Variants in AMBRA1 observed in about 807,000 individuals in gnomAD.
AMBRA1 encodes autophagy and beclin 1 regulator 1.
Under a neutral mutation model 125.4 loss-of-function variants are expected in AMBRA1, and 47 were observed. The ratio of observed to expected loss-of-function variants is 0.37; its 90% confidence interval spans 0.30 to 0.48. The LOEUF is 0.48. Among genes scored for constraint, AMBRA1 ranks in the 20% least tolerant of loss-of-function variants. The probability of loss-of-function intolerance (pLI) is 0.99; values close to 1 mark genes in which losing one functional copy is unlikely to be tolerated. For missense variants in AMBRA1, 1,331 were observed against 1,693.4 expected, an observed-to-expected ratio of 0.79 and a Z score of 3.76; for synonymous variants, 626 against 655.5, an observed-to-expected ratio of 0.95 and a Z score of 0.69.
chr11:46,504,379 T>C (rs1950956143), intron 9 of AMBRA1: 1 of 152,128 alleles, frequency 6.6e-6, no homozygotes, highest in South Asian at 2.1e-4. Context: ...ATGGCAAACA[T>C]GAAAATGGAA....
rs529008297 is a variant in AMBRA1 at position 46,410,335 on chromosome 11, G to A, written c.3150C>T (p.Asp1050=). Residue 1050 remains aspartate (D), a synonymous_variant, in exon 16 of 18, where the codon GAC becomes GAT. Coordinates refer to ENST00000683756, the MANE Select transcript of AMBRA1 (RefSeq NM_001387011.1). ...ALNSGVEYYW[D]QLNETVFTVH... ...CAGTGAAGACCGTCTCGTTCAGCTG[G>A]TCCCAGTAGTACTCAACACCAGAGT... 2 of 1,613,978 alleles carry A rather than the reference G, an allele frequency of 1.2e-6. No individual in the cohort carries two copies. The highest frequency in any genetic ancestry group is 2.2e-5 in the South Asian group (2 of 91,078).
chr11:46,547,367 G>C (rs192516690), intron 3 of AMBRA1, 71 bp from the exon 4 acceptor site: 1 of 1,378,110 alleles, frequency 7.3e-7, no homozygotes, highest in African/African-American at 1.5e-5. Flanking sequence ...AACTTTGGAC[G>C]ACATAGAATA....
In AMBRA1 at chr11:46,431,773, T is replaced by G. The variant is rs1204214749; in HGVS notation, c.2976+1701A>C. Among the ~76,000 whole-genome samples the G allele has an allele frequency of 2.6e-5, 4 of 152,342 alleles. No homozygotes were observed. In the East Asian group the frequency reaches 5.8e-4, roughly 22 times the overall value. On this transcript the variant is annotated intron_variant, in intron 14 of 17. Transcript: ENST00000683756. ...GAGAAGCAAAAGAAGAATATTTAAATGAAAACTCAACTTCCATCCTCAAAT... is the reference window on the plus strand; with the variant it reads ...GAGAAGCAAAAGAAGAATATTTAAAGGAAAACTCAACTTCCATCCTCAAAT...
intron 8 of AMBRA1, among the ~76,000 whole-genome samples, chr11:46,509,558 G>A (rs2135042446): frequency 6.6e-6 from 1 of 152,148 alleles, no homozygotes; most frequent in Non-Finnish European, 1.5e-5. Context: ...CAAATGCCCA[G>A]CAACAAATTA....
intron 11 of AMBRA1, among the ~76,000 whole-genome samples, chr11:46,449,787 G>A (rs1418353190): frequency 1.3e-5 from 2 of 152,174 alleles, no homozygotes; most frequent in South Asian, 2.1e-4. Flanking sequence ...TAGGCCGGGC[G>A]CAGTGGCTCA....
chr11:46,489,650 C>G (rs988180704), intron 11 of AMBRA1, among the ~76,000 whole-genome samples: 3 of 152,136 alleles, frequency 2.0e-5, no homozygotes, highest in Non-Finnish European at 4.4e-5. Context: ...GGAGCAGATG[C>G]TCATTAGGAT....
intron 9 of AMBRA1, among the ~76,000 whole-genome samples, chr11:46,507,558 T>A (rs773695384): frequency 1.5e-4 from 22 of 151,386 alleles, no homozygotes; most frequent in Non-Finnish European, 3.1e-4. Flanking sequence ...CATCCTCCCA[T>A]GGCTCTCCCC....
At position 46,544,011 on chromosome 11, in the gene AMBRA1, G is replaced by A. The variant is rs1453041793; in HGVS notation, c.582C>T (p.Tyr194=). 1.2e-6 allele frequency: 2 copies of A among 1,613,910 alleles called. No homozygotes were observed. Among genetic ancestry groups the A allele is most frequent in the Non-Finnish European group, 8.5e-7 (1 of 1,179,938 alleles). Residue 194 remains tyrosine (Y), a synonymous_variant, in exon 6 of 18, where the codon TAC becomes TAT. Transcript: ENST00000683756. The part of the protein sequence containing the change: ...RLVRFDPLGH[Y]LLTAIVNPSN... Reference sequence around the variant, plus strand: ...AGGGGTTAACAATTGCTGTGAGTAAGTAGTGTCCAAGTGGATCAAATCTCA... The same window carrying A: ...AGGGGTTAACAATTGCTGTGAGTAAATAGTGTCCAAGTGGATCAAATCTCA...
At chr11:46,463,551 C>A (rs1018724674) in intron 11 of AMBRA1, among the ~76,000 whole-genome samples, 3 of 152,174 alleles carry the variant, frequency 2.0e-5, no homozygotes, top group Non-Finnish European at 4.4e-5. Context: ...AATCCTTGCA[C>A]TTAACTAAAG....
intron 1 of AMBRA1, among the ~76,000 whole-genome samples, chr11:46,575,512 CTTTTTTTT>C (rs775796043): frequency 3.0e-5 from 3 of 100,418 alleles, no homozygotes; most frequent in Middle Eastern, 6.5e-3. Flanking sequence ...TTTTTCTTTC[CTTTTTTTT>C]TTTTTTTTTT....
chr11:46,421,374 G>A (rs907666414), intron 14 of AMBRA1, among the ~76,000 whole-genome samples: 2 of 152,226 alleles, frequency 1.3e-5, no homozygotes, highest in African/African-American at 4.8e-5. Context: ...GCTAAATCCT[G>A]CTTTGTGGCA....
intron 1 of AMBRA1, among the ~76,000 whole-genome samples, chr11:46,569,926 A>T (rs1487170307): frequency 6.6e-6 from 1 of 152,046 alleles, no homozygotes; most frequent in Non-Finnish European, 1.5e-5. Flanking sequence ...GCACCACTGC[A>T]CTCCAGCCTG....
intron 7 of AMBRA1, among the ~76,000 whole-genome samples, chr11:46,538,824 AC>A (rs1222608352): frequency 2.0e-5 from 3 of 152,154 alleles, no homozygotes; most frequent in African/African-American, 7.2e-5. Flanking sequence ...TAAATAACCT[AC>A]TTTATTAAGT....
At chr11:46,404,739 C>T (rs942062518) in intron 17 of AMBRA1, among the ~76,000 whole-genome samples, 5 of 152,112 alleles carry the variant, frequency 3.3e-5, no homozygotes, top group African/African-American at 1.2e-4. Flanking sequence ...GATAGTGGGG[C>T]GAGGAACCAG....
chr11:46,557,552 A>G (rs1232367102), intron 1 of AMBRA1, among the ~76,000 whole-genome samples: 1 of 150,798 alleles, frequency 6.6e-6, no homozygotes, highest in Non-Finnish European at 1.5e-5. Context: ...TCACACCTGT[A>G]ATCCCTGCCC....
Position 46,443,492 on chromosome 11 carries a change from A to G in AMBRA1, c.2628T>C (p.Ser876=). Reference sequence around the variant, plus strand: ...CCCCATTTGACATTGACTTACCATTACTGATTTCAGGGAGGTCAAACTTAG... The same window carrying G: ...CCCCATTTGACATTGACTTACCATTGCTGATTTCAGGGAGGTCAAACTTAG... ...DFTKFDLPEI[S]NASVNVLVQN... is the part of the protein sequence containing the mutation. Residue 876 remains serine (S), a synonymous_variant, in exon 12 of 18, where the codon AGT becomes AGC. Transcript: ENST00000683756. 1.2e-6 allele frequency: 2 copies of G among 1,613,216 alleles called. No individual in the cohort carries two copies. Among genetic ancestry groups the G allele is most frequent in the Non-Finnish European group, 1.7e-6 (2 of 1,179,142 alleles).
At chr11:46,572,375 T>C (rs2043799192) in intron 1 of AMBRA1, among the ~76,000 whole-genome samples, 1 of 152,194 alleles carries the variant, frequency 6.6e-6, no homozygotes, top group South Asian at 2.1e-4. Context: ...AACCCAGGGC[T>C]CTTAACTCAC....
At position 46,543,216 on chromosome 11, in the gene AMBRA1, G is replaced by C; in HGVS notation, c.801C>G (p.Thr267=). The C allele has an allele frequency of 6.2e-7, 1 of 1,608,700 alleles. No individual in the cohort carries two copies. The highest frequency in any genetic ancestry group is 8.5e-7 in the Non-Finnish European group (1 of 1,177,862). ...GEQSTVQDSA[T]PSPPPPPPQP... is the part of the protein sequence containing the mutation. ...GAGGGGGAGGCGGTGGGGGTGAGGGGGTAGCAGAATCTTGCACTGTGCTTT... is the reference window on the plus strand; with the variant it reads ...GAGGGGGAGGCGGTGGGGGTGAGGGCGTAGCAGAATCTTGCACTGTGCTTT... Residue 267 remains threonine (T), a synonymous_variant, in exon 7 of 18, where the codon ACC becomes ACG. Transcript: ENST00000683756.
intron 1 of AMBRA1, among the ~76,000 whole-genome samples, chr11:46,551,785 T>A (rs1223909049): frequency 6.6e-6 from 1 of 152,144 alleles, no homozygotes; most frequent in Non-Finnish European, 1.5e-5. Flanking sequence ...CTCAGCACTT[T>A]GGGAGGCCAA....
Sources: gnomAD v4.1 joint callset for allele counts (sites outside exome capture counted in the v4.1 genomes callset) on GRCh38, gnomAD v4.1.1 for gene constraint, MANE v1.5 for transcripts, NCBI Gene and HGNC (gene_info 2026-07-23, HGNC 2026-07-21) for gene names.